The following PTPRT variants were observed in gnomAD, a reference collection of about 807,000 sequenced individuals.
PTPRT encodes the protein protein tyrosine phosphatase receptor type T.
PTPRT carries 56 observed loss-of-function variants against 176.8 expected under a neutral mutation model. The ratio of observed to expected loss-of-function variants is 0.32; its 90% CI spans 0.26 to 0.40. The LOEUF (loss-of-function observed/expected upper bound fraction) is 0.40. Among genes scored for constraint, PTPRT ranks in the 10% least tolerant of loss-of-function variants. The probability of loss-of-function intolerance (pLI) is 1.00; values close to 1 mark genes in which losing one functional copy is unlikely to be tolerated. For missense variants in PTPRT, 1,540 were observed against 1,908.2 expected, an observed-to-expected ratio of 0.81 and a Z score of 3.60; for synonymous variants, 783 against 739.0, an observed-to-expected ratio of 1.06 and a Z score of -0.96.
chr20:42,722,866 C>T (rs951841465), intron 6 of PTPRT, among the ~76,000 whole-genome samples: 1 of 152,198 alleles, frequency 6.6e-6, no homozygotes, highest in East Asian at 1.9e-4. Flanking sequence ...ATGAGCTCAT[C>T]GCATACCACA....
At chr20:42,407,758 A>T (rs1384622962) in intron 9 of PTPRT, among the ~76,000 whole-genome samples, 1 of 152,188 alleles carries the variant, frequency 6.6e-6, no homozygotes, top group Admixed American at 6.5e-5. Context: ...CTCTAAACTT[A>T]AAAAACTTGA....
At chr20:42,632,220 G>T (rs2074422667) in intron 7 of PTPRT, among the ~76,000 whole-genome samples, 1 of 152,052 alleles carries the variant, frequency 6.6e-6, no homozygotes, top group Non-Finnish European at 1.5e-5. Context: ...CTCCTATGCT[G>T]TTTTTGTTGT....
At chr20:42,346,216 G>A (rs141336899) in intron 11 of PTPRT, among the ~76,000 whole-genome samples, 1 of 152,256 alleles carries the variant, frequency 6.6e-6, no homozygotes, top group Non-Finnish European at 1.5e-5. Flanking sequence ...GAGGGGGAAA[G>A]AACATTTCCA....
intron 7 of PTPRT, among the ~76,000 whole-genome samples, chr20:42,664,386 A>G (rs2075277519): frequency 6.6e-6 from 1 of 152,220 alleles, no homozygotes; most frequent in Admixed American, 6.5e-5. Context: ...TTGTCTTTCT[A>G]TGTAGTAAAA....
At chr20:42,477,316 ACT>A (rs1443012164) in intron 7 of PTPRT, among the ~76,000 whole-genome samples, 2 of 151,444 alleles carry the variant, frequency 1.3e-5, no homozygotes, top group South Asian at 2.1e-4. Flanking sequence ...CTGAGCTCAG[ACT>A]CTCTGACTCC....
intron 5 of PTPRT, among the ~76,000 whole-genome samples, chr20:42,762,278 G>A (rs955281092): frequency 1.3e-5 from 2 of 152,116 alleles, no homozygotes; most frequent in African/African-American, 4.8e-5. Flanking sequence ...ATTTTAATGT[G>A]CATCAGAATC....
chr20:42,362,329 G>A (rs566505440), intron 9 of PTPRT, among the ~76,000 whole-genome samples: 128 of 152,092 alleles, frequency 8.4e-4, no homozygotes, highest in African/African-American at 2.9e-3. Context: ...CTCTTGATAC[G>A]ATGCTCTGAG....
intron 7 of PTPRT, chr20:42,606,817 A>G (rs1256656155): frequency 6.6e-6 from 1 of 152,192 alleles, no homozygotes; most frequent in Non-Finnish European, 1.5e-5. Flanking sequence ...CATTGTGTCC[A>G]GTTGCCACTG....
At chr20:43,177,326 G>A (rs1009087671) in intron 1 of PTPRT, among the ~76,000 whole-genome samples, 4 of 152,174 alleles carry the variant, frequency 2.6e-5, no homozygotes, top group Non-Finnish European at 5.9e-5. Context: ...TTAGCACAAG[G>A]CAAAATTCCT....
chr20:42,749,090 G>A (rs1371477092), intron 6 of PTPRT, among the ~76,000 whole-genome samples: 2 of 152,098 alleles, frequency 1.3e-5, no homozygotes, highest in Non-Finnish European at 2.9e-5. Flanking sequence ...GTCTGACAAT[G>A]GTTTTTCCCT....
chr20:42,666,176 T>G (rs2075313591), intron 7 of PTPRT, among the ~76,000 whole-genome samples: 7 of 152,180 alleles, frequency 4.6e-5, no homozygotes, highest in Admixed American at 4.6e-4. Flanking sequence ...TCATAAGTTG[T>G]TTATAAGACC....
chr20:43,110,311 C>T (rs2012803013), intron 1 of PTPRT, among the ~76,000 whole-genome samples: 1 of 152,198 alleles, frequency 6.6e-6, no homozygotes, highest in South Asian at 2.1e-4. Context: ...TGAGGGATCA[C>T]CCATAAGTTC....
chr20:43,155,448 T>G (rs867552785), intron 1 of PTPRT, among the ~76,000 whole-genome samples: 1 of 152,138 alleles, frequency 6.6e-6, no homozygotes, highest in Admixed American at 6.5e-5. Flanking sequence ...CACTGCATGA[T>G]CTCACTCATA....
intron 14 of PTPRT, among the ~76,000 whole-genome samples, chr20:42,241,152 T>G (rs753963014): frequency 2.6e-5 from 4 of 152,170 alleles, no homozygotes; most frequent in Non-Finnish European, 4.4e-5. Flanking sequence ...AGCTATTACA[T>G]TGTATTATCT....
downstream of PTPRT, among the ~76,000 whole-genome samples, chr20:42,070,541 C>A: frequency 6.6e-6 from 1 of 151,924 alleles, no homozygotes; most frequent in Non-Finnish European, 1.5e-5. Flanking sequence ...AATAGCTTAG[C>A]TTCAAGTTCA....
At chr20:42,444,334 A>C (rs1297163264) in intron 9 of PTPRT, among the ~76,000 whole-genome samples, 1 of 152,194 alleles carries the variant, frequency 6.6e-6, no homozygotes, top group Non-Finnish European at 1.5e-5. Flanking sequence ...TTTTGATTTC[A>C]TGGGTTTGAC....
Position 43,078,269 on chromosome 20 carries a change from C to A in PTPRT, c.88+111377G>T, listed in dbSNP as rs79867566. Reference sequence around the variant, plus strand: ...GTAAGTTCAGCATCTGGTTTTGGCACCAGTGTCTTGTGAACTTGGTCAGGG... The same window carrying A: ...GTAAGTTCAGCATCTGGTTTTGGCAACAGTGTCTTGTGAACTTGGTCAGGG... On this transcript the variant is annotated intron_variant, in intron 1 of 30. Coordinates refer to ENST00000373187, the MANE Select transcript of PTPRT (RefSeq NM_007050.6). Among the ~76,000 whole-genome samples, 628 of 152,310 alleles carry A rather than the reference C, an allele frequency of 4.1e-3. 5 individuals are homozygous for A. The highest frequency in any genetic ancestry group is 0.014 in the African/African-American group (586 of 41,560).
intron 7 of PTPRT, among the ~76,000 whole-genome samples, chr20:42,592,254 C>T (rs111255980): frequency 0.029 from 4,422 of 152,096 alleles, 195 homozygotes; most frequent in African/African-American, 0.096. Context: ...GGATTACAGG[C>T]ATGAGCCACC....
At chr20:42,996,874 C>T (rs899244839) in intron 1 of PTPRT, among the ~76,000 whole-genome samples, 4 of 152,124 alleles carry the variant, frequency 2.6e-5, no homozygotes, top group African/African-American at 9.7e-5. Flanking sequence ...ACTGAGAAAA[C>T]TTGTTAGAAA....
Sources: gnomAD v4.1 joint callset for allele counts (sites outside exome capture counted in the v4.1 genomes callset) on GRCh38, gnomAD v4.1.1 for gene constraint, MANE v1.5 for transcripts, NCBI Gene and HGNC (gene_info 2026-07-23, HGNC 2026-07-21) for gene names.